Variants in PPP1R16B observed in about 807,000 individuals in gnomAD.
PPP1R16B encodes the protein protein phosphatase 1 regulatory subunit 16B, also known as protein phosphatase 1 regulatory inhibitor subunit 16B.
PPP1R16B carries 14 observed loss-of-function variants against 61.7 expected under a neutral mutation model. The ratio of observed to expected loss-of-function variants is 0.23; its 90% CI spans 0.15 to 0.35. PPP1R16B has a LOEUF of 0.35. Ranked by LOEUF, PPP1R16B falls within the 10% of genes least tolerant of loss-of-function variation. The pLI is 1.00. For synonymous variants in PPP1R16B, 266 were observed against 305.3 expected (o/e 0.87, Z 1.34); for missense variants, 547 against 752.5 (o/e 0.73, Z 3.19).
chr20:38,895,584 A>G lies in PPP1R16B; in HGVS notation c.341A>G (p.Glu114Gly). The change falls in exon 4 of 11, where the codon GAG becomes GGG. Residue 114 changes from glutamate (E) to glycine (G), a missense_variant. Glu to Gly is a moderately conservative substitution (Grantham distance 98, BLOSUM62 -2). Coordinates refer to ENST00000299824, the MANE Select transcript of PPP1R16B (RefSeq NM_015568.4). The stretch of plus-strand genomic sequence containing the variant: ...TCCCAGTGCTGCATCGACAACTTTG[A>G]GGAAATTGTGAAGCTGCTCCTCTCC... ...ALHQCCIDNF[E>G]EIVKLLLSHG... 6.2e-7 allele frequency: 1 copy of G among 1,613,848 alleles called. No individual in the cohort carries two copies. The highest frequency in any genetic ancestry group is 8.5e-7 in the Non-Finnish European group (1 of 1,179,800).
rs370592657 is a variant in PPP1R16B at position 38,833,741 on chromosome 20, A to C, written c.-101-2084A>C. ...GAGGTCACACCCACTCAGACCCTGG[A>C]ACTTTTGCCCTTTGGGCATTGCCAA... On this transcript the variant is annotated intron_variant, in intron 1 of 10. Coordinates refer to ENST00000299824, the MANE Select transcript of PPP1R16B (RefSeq NM_015568.4). Among the ~76,000 whole-genome samples the C allele has an allele frequency of 7.9e-5, 12 of 152,310 alleles. No individual in the cohort carries two copies. The East Asian group carries it at 1.5e-3, about 20-fold the overall frequency.
intron 1 of PPP1R16B, among the ~76,000 whole-genome samples, chr20:38,828,387 A>G (rs888989468): frequency 3.9e-5 from 6 of 152,248 alleles, no homozygotes; most frequent in Non-Finnish European, 7.3e-5. Flanking sequence ...TACAAGCAGC[A>G]GTTGCCTCTG....
At chr20:38,889,804 G>A (rs2085278887) in intron 3 of PPP1R16B, 139 bp downstream of exon 3, 2 of 886,614 alleles carry the variant, frequency 2.3e-6, no homozygotes, top group Non-Finnish European at 3.7e-6. Flanking sequence ...TGGCCCATCT[G>A]AAAGGCTCTT....
At chr20:38,902,834 C>T (rs755157219) in intron 6 of PPP1R16B, 42 bp downstream of exon 6, 1 of 1,612,724 alleles carries the variant, frequency 6.2e-7, no homozygotes, top group Admixed American at 1.7e-5. Flanking sequence ...CCAGCTAGGT[C>T]CGAAGTGGGC....
rs966517069 is a variant in PPP1R16B, at chr20:38,901,972, T to C, written c.572-696T>C. Reference sequence around the variant, plus strand: ...TCGTTTAAAGCTTAGTCAAAAGAAATGTGTGATTTTATTTCCTCCTTTTGT... The same window carrying C: ...TCGTTTAAAGCTTAGTCAAAAGAAACGTGTGATTTTATTTCCTCCTTTTGT... On this transcript the variant is annotated intron_variant, in intron 5 of 10. Transcript: ENST00000299824. Among the ~76,000 whole-genome samples, 10 of 152,332 alleles carry C rather than the reference T, an allele frequency of 6.6e-5. No individual in the cohort carries two copies. The East Asian group carries it at 1.9e-3, about 29-fold the overall frequency.
At chr20:38,831,986 T>G (rs2084840322) in intron 1 of PPP1R16B, among the ~76,000 whole-genome samples, 1 of 152,198 alleles carries the variant, frequency 6.6e-6, no homozygotes, top group Non-Finnish European at 1.5e-5. Flanking sequence ...GGTCAGCCAC[T>G]CTGTACACCT....
intron 1 of PPP1R16B, among the ~76,000 whole-genome samples, chr20:38,817,281 G>A (rs978910480): frequency 6.6e-6 from 1 of 152,192 alleles, no homozygotes; most frequent in Non-Finnish European, 1.5e-5. Context: ...AAGACATTGA[G>A]GCTGGGTGTG....
At chr20:38,890,422 A>G (rs1284820453) in intron 3 of PPP1R16B, among the ~76,000 whole-genome samples, 1 of 152,150 alleles carries the variant, frequency 6.6e-6, no homozygotes, top group Non-Finnish European at 1.5e-5. Context: ...CAGCCACCCA[A>G]CTTCTCAGGT....
intron 2 of PPP1R16B, among the ~76,000 whole-genome samples, chr20:38,871,764 G>A (rs1350346763): frequency 6.6e-6 from 1 of 152,120 alleles, no homozygotes; most frequent in East Asian, 1.9e-4. Flanking sequence ...AGAGCTCATC[G>A]TCATGTGACT....
chr20:38,807,782 C>A (rs1601224654), intron 1 of PPP1R16B, among the ~76,000 whole-genome samples: 1 of 152,192 alleles, frequency 6.6e-6, no homozygotes, highest in Non-Finnish European at 1.5e-5. Flanking sequence ...CTGGAACCTT[C>A]CTGGCTCCAG....
At chr20:38,893,935 T>C (rs2085311923) in intron 3 of PPP1R16B, among the ~76,000 whole-genome samples, 1 of 152,130 alleles carries the variant, frequency 6.6e-6, no homozygotes, top group Non-Finnish European at 1.5e-5. Context: ...AGTGAAGGCC[T>C]GGAGATGCTC....
At chr20:38,828,607 C>T (rs1477991288) in intron 1 of PPP1R16B, among the ~76,000 whole-genome samples, 4 of 152,186 alleles carry the variant, frequency 2.6e-5, no homozygotes, top group Non-Finnish European at 4.4e-5. Flanking sequence ...CAGCTTCCTG[C>T]AGGGATGGTG....
rs1029726684 is a variant in PPP1R16B, at chr20:38,918,033, G to A, written c.1195-124G>A. On this transcript the variant is annotated intron_variant, in intron 10 of 10. Coordinates refer to ENST00000299824, the MANE Select transcript of PPP1R16B (RefSeq NM_015568.4). The surrounding 1 kb of genome is among the most constrained non-coding windows in gnomAD (Gnocchi z 5.3). The stretch of plus-strand genomic sequence containing the variant: ...TTCCCCAAAGGAAAACCCTGGCCCC[G>A]ATACCCAGGGAGAGAAAACAGATAG... 4 of 1,323,878 alleles carry A rather than the reference G, an allele frequency of 3.0e-6. No homozygotes were observed. The highest frequency in any genetic ancestry group is 1.4e-5 in the South Asian group (1 of 71,938). The allele number at this position is 1,323,878 out of a possible 1,614,324, so 82.0% of individuals were successfully genotyped here.
intron 2 of PPP1R16B, among the ~76,000 whole-genome samples, chr20:38,846,300 G>A (rs908181074): frequency 2.0e-5 from 3 of 152,192 alleles, no homozygotes; most frequent in African/African-American, 4.8e-5. Flanking sequence ...ATGCAGGACT[G>A]TAGGAGGTCA....
rs368978595 is a variant in PPP1R16B at position 38,813,377 on chromosome 20, T to C, written c.-102+7585T>C. ...TGGGCCTTAGCCCAGTCCACCTGTGTTAGAATCAGCCAATATAGGGCCCTG... is the reference window on the plus strand; with the variant it reads ...TGGGCCTTAGCCCAGTCCACCTGTGCTAGAATCAGCCAATATAGGGCCCTG... On this transcript the variant is annotated intron_variant, in intron 1 of 10. Transcript: ENST00000299824. Among the ~76,000 whole-genome samples, 25 of 152,384 alleles carry C rather than the reference T, an allele frequency of 1.6e-4. No individual in the cohort carries two copies. The East Asian group carries it at 3.3e-3, about 20-fold the overall frequency.
intron 4 of PPP1R16B, among the ~76,000 whole-genome samples, chr20:38,897,040 G>T (rs1018394239): frequency 3.1e-4 from 47 of 152,188 alleles, no homozygotes; most frequent in African/African-American, 1.1e-3. Context: ...CAGCTACTTG[G>T]GAGGCTGAGG....
intron 1 of PPP1R16B, among the ~76,000 whole-genome samples, chr20:38,828,570 C>T (rs935470429): frequency 1.3e-5 from 2 of 152,214 alleles, no homozygotes; most frequent in African/African-American, 2.4e-5. Context: ...CTCTGGTGAC[C>T]GCCAAGCATT....
At chr20:38,820,770 C>G (rs899094888) in intron 1 of PPP1R16B, among the ~76,000 whole-genome samples, 1 of 151,622 alleles carries the variant, frequency 6.6e-6, no homozygotes, top group Admixed American at 6.6e-5. Flanking sequence ...CGGTGGCTCA[C>G]GCCTGTAATC....
At chr20:38,824,057 C>T (rs941409447) in intron 1 of PPP1R16B, among the ~76,000 whole-genome samples, 4 of 152,106 alleles carry the variant, frequency 2.6e-5, no homozygotes, top group Non-Finnish European at 5.9e-5. Flanking sequence ...GCCCTAGTTA[C>T]GAGTTCCCTA....
Sources: gnomAD v4.1 joint callset for allele counts (sites outside exome capture counted in the v4.1 genomes callset) on GRCh38, gnomAD v4.1.1 for gene constraint, Gnocchi (gnomAD v3.1) non-coding constraint, MANE v1.5 for transcripts, NCBI Gene and HGNC (gene_info 2026-07-23, HGNC 2026-07-21) for gene names.